Variants in OCA2 observed in about 807,000 individuals in gnomAD.
OCA2 encodes OCA2 melanosomal transmembrane protein, also known as P protein.
OCA2 carries 77 observed loss-of-function variants against 100.2 expected under a neutral mutation model. That is an observed-to-expected ratio of 0.77 (90% CI 0.64 to 0.93). The LOEUF (loss-of-function observed/expected upper bound fraction) is 0.93. Ranked by LOEUF, OCA2 falls within the 40% of genes least tolerant of loss-of-function variation. The pLI is 0.00. For missense variants in OCA2, 1,062 were observed against 1,089.1 expected (o/e 0.98, Z 0.35); for synonymous variants, 432 against 439.2 (o/e 0.98, Z 0.21).
chr15:27,981,076 T>C (rs189151436), intron 14 of OCA2, among the ~76,000 whole-genome samples: 1 of 152,366 alleles, frequency 6.6e-6, no homozygotes, highest in African/African-American at 2.4e-5. Context: ...TCCATTTCAT[T>C]TTGGATTTAT....
chr15:28,074,243 T>C (rs1415830953), intron 2 of OCA2, among the ~76,000 whole-genome samples: 3 of 152,118 alleles, frequency 2.0e-5, no homozygotes, highest in Non-Finnish European at 4.4e-5. Flanking sequence ...TGGAACAGAA[T>C]AGAGATTTCA....
chr15:27,854,284 C>T (rs564273768), intron 21 of OCA2, among the ~76,000 whole-genome samples: 5 of 152,172 alleles, frequency 3.3e-5, no homozygotes, highest in South Asian at 2.1e-4. Flanking sequence ...GAGCAGGGTC[C>T]GCCCAGCCCC....
chr15:27,879,610 A>G (rs913566833), intron 19 of OCA2, among the ~76,000 whole-genome samples: 2 of 152,052 alleles, frequency 1.3e-5, no homozygotes, highest in Non-Finnish European at 2.9e-5. Flanking sequence ...AGTGATGTTG[A>G]GATTTTTTTC....
At chr15:28,006,433 G>A (rs1348576360) in intron 9 of OCA2, among the ~76,000 whole-genome samples, 4 of 152,206 alleles carry the variant, frequency 2.6e-5, no homozygotes, top group Non-Finnish European at 5.9e-5. Flanking sequence ...TCTAAGGAAT[G>A]ATGTGGCTAC....
chr15:27,847,788 G>T (rs937088555), intron 22 of OCA2, among the ~76,000 whole-genome samples: 7 of 152,246 alleles, frequency 4.6e-5, no homozygotes, highest in Non-Finnish European at 1.0e-4. Flanking sequence ...ATTAACTGAG[G>T]TATTTGTGAT....
intron 9 of OCA2, among the ~76,000 whole-genome samples, chr15:28,002,694 C>A (rs2141124197): frequency 6.6e-6 from 1 of 152,278 alleles, no homozygotes; most frequent in South Asian, 2.1e-4. Context: ...CACGCGGGAG[C>A]CTCACAGGGC....
At chr15:27,929,409 A>G (rs1222963449) in intron 18 of OCA2, among the ~76,000 whole-genome samples, 5 of 152,206 alleles carry the variant, frequency 3.3e-5, no homozygotes, top group African/African-American at 1.2e-4. Context: ...TCTTTTCCAC[A>G]TATGGTGCTG....
chr15:27,747,065 C>T, the OCA2 span, among the ~76,000 whole-genome samples: 1 of 152,216 alleles, frequency 6.6e-6, no homozygotes, highest in Non-Finnish European at 1.5e-5. Context: ...ACTGTCTCCT[C>T]CACTTGAAAA....
chr15:27,738,372 A>C, the OCA2 span, among the ~76,000 whole-genome samples: 1 of 152,238 alleles, frequency 6.6e-6, no homozygotes, highest in Non-Finnish European at 1.5e-5. Context: ...GATGAGTGTC[A>C]TAAATATCGT....
Position 28,014,894 on chromosome 15 carries a change from T to A in OCA2, c.926A>T (p.Gln309Leu). The A allele has an allele frequency of 6.2e-7, 1 of 1,614,174 alleles. No homozygotes were observed. ...TVSISIRASL[Q>L]QTQAVPLLMA... ...CAAAAGAGGGACAGCCTGGGTCTGC[T>A]GCAGGGAGGCCCGGATGCTGATGGA... Residue 309 changes from glutamine (Q) to leucine (L), a missense_variant, in exon 9 of 24, where the codon CAG (glutamine) becomes CTG (leucine). Physicochemically the swap from Gln to Leu is moderately radical, Grantham distance 113. Coordinates refer to ENST00000354638, the MANE Select transcript of OCA2 (RefSeq NM_000275.3).
chr15:27,747,504 G>A, the OCA2 span, among the ~76,000 whole-genome samples: 1 of 152,154 alleles, frequency 6.6e-6, no homozygotes, highest in African/African-American at 2.4e-5. Flanking sequence ...CCAGTGTCAG[G>A]GTGACAAAGG....
intron 9 of OCA2, among the ~76,000 whole-genome samples, chr15:27,999,149 T>G (rs1281688715): frequency 6.6e-6 from 1 of 151,220 alleles, no homozygotes; most frequent in African/African-American, 2.4e-5. Flanking sequence ...TGTATACATA[T>G]GTAACTAACC....
intron 2 of OCA2, among the ~76,000 whole-genome samples, chr15:28,071,012 G>A (rs1010632183): frequency 7.0e-6 from 1 of 142,148 alleles, no homozygotes; most frequent in East Asian, 2.1e-4. Flanking sequence ...AGTAATCAGG[G>A]ACACAAACAC....
chr15:27,801,056 C>T (rs1418586866), intron 23 of OCA2, among the ~76,000 whole-genome samples: 1 of 152,092 alleles, frequency 6.6e-6, no homozygotes, highest in South Asian at 2.1e-4. Context: ...TTGTACCAAA[C>T]ATATAAGGTT....
chr15:27,862,014 C>T (rs1055337516), intron 21 of OCA2, among the ~76,000 whole-genome samples: 5 of 152,222 alleles, frequency 3.3e-5, no homozygotes, highest in Non-Finnish European at 4.4e-5. Context: ...GGAAAGTGCC[C>T]ACATGGTTGC....
At chr15:28,015,691 G>A (rs1180561203) in intron 8 of OCA2, among the ~76,000 whole-genome samples, 1 of 152,118 alleles carries the variant, frequency 6.6e-6, no homozygotes, top group Admixed American at 6.5e-5. Flanking sequence ...GTAAATGACT[G>A]ACATTTAAGC....
At chr15:28,020,518 G>A (rs1236221350) in intron 6 of OCA2, among the ~76,000 whole-genome samples, 3 of 152,126 alleles carry the variant, frequency 2.0e-5, no homozygotes, top group African/African-American at 7.2e-5. Context: ...GGAAAGTCCT[G>A]CCCAGGAGGG....
rs10162944 is a variant in OCA2 at position 28,094,874 on chromosome 15, C to T, written c.-22+4350G>A. Among the ~76,000 whole-genome samples, 4 of 152,332 alleles carry T rather than the reference C, an allele frequency of 2.6e-5. No individual in the cohort carries two copies. The South Asian group carries it at 8.3e-4, about 32-fold the overall frequency. On this transcript the variant is annotated intron_variant, in intron 1 of 23. Coordinates refer to ENST00000354638, the MANE Select transcript of OCA2 (RefSeq NM_000275.3). ...CAGCCGTGCCCAGGGCGGAGTGGGG[C>T]GACGGCACCGGTGCCAGGACCGACA...
At chr15:28,008,960 T>G (rs532527008) in intron 9 of OCA2, among the ~76,000 whole-genome samples, 2 of 152,354 alleles carry the variant, frequency 1.3e-5, no homozygotes, top group South Asian at 4.1e-4. Flanking sequence ...CCTCCAGTTC[T>G]GGGGAAGCAG....
Sources: gnomAD v4.1 joint callset for allele counts (sites outside exome capture counted in the v4.1 genomes callset) on GRCh38, gnomAD v4.1.1 for gene constraint, MANE v1.5 for transcripts, NCBI Gene and HGNC (gene_info 2026-07-23, HGNC 2026-07-21) for gene names.